Variants in SMTN observed in about 807,000 individuals in gnomAD.
SMTN encodes the protein smoothelin.
A neutral mutation model predicts 102.0 loss-of-function variants in SMTN; 58 were observed. The observed-to-expected ratio is 0.57, with a 90% CI of 0.46 to 0.71. The LOEUF is 0.71. SMTN is among the 30% of genes least tolerant of loss of function. SMTN has a pLI of 0.00. For synonymous variants in SMTN, 478 were observed against 497.9 expected (o/e 0.96, Z 0.53); for missense variants, 1,185 against 1,241.7 (o/e 0.95, Z 0.69).
At chr22:31,085,721 AGGAGACACTGT>A (rs1299738074) in intron 2 of SMTN, among the ~76,000 whole-genome samples, 1 of 152,180 alleles carries the variant, frequency 6.6e-6, no homozygotes, top group Non-Finnish European at 1.5e-5. Flanking sequence ...GGACACACAG[AGGAGACACTGT>A]GGTCCAACCT....
chr22:31,096,606 A>T, intron 13 of SMTN, 127 bp from the exon 14 acceptor site: 1 of 979,544 alleles, frequency 1.0e-6, no homozygotes, highest in Non-Finnish European at 1.4e-6. Context: ...GGCCCTTGTT[A>T]CCTGTGTCAT....
At chr22:31,093,698 G>A (rs1208329109) in intron 11 of SMTN, 1 of 998,972 alleles carries the variant, frequency 1.0e-6, no homozygotes, top group Non-Finnish European at 1.6e-6. Context: ...CTACGGCTGG[G>A]GGTCCCACTT....
intron 2 of SMTN, among the ~76,000 whole-genome samples, chr22:31,084,833 G>A (rs907471437): frequency 2.0e-5 from 3 of 152,222 alleles, no homozygotes; most frequent in Admixed American, 6.5e-5. Context: ...GACCCCGGGA[G>A]CGGCTCCTCC....
chr22:31,101,019 A>G lies in SMTN; in HGVS notation c.2738A>G (p.Lys913Arg). 1.2e-6 allele frequency: 2 copies of G among 1,612,184 alleles called. No individual in the cohort carries two copies. Among genetic ancestry groups the G allele is most frequent in the Middle Eastern group, 1.7e-4 (1 of 6,026 alleles). The part of the protein sequence containing the change: ...CLVQKGLVKT[K>R]KS ...GTCCAGAAGGGGCTGGTAAAAACCAAAAAGTCCTAACCCCTGCTCGGGGCC... is the reference window on the plus strand; with the variant it reads ...GTCCAGAAGGGGCTGGTAAAAACCAGAAAGTCCTAACCCCTGCTCGGGGCC... Residue 913 changes from lysine to arginine, a missense_variant, in exon 20 of 21, where the codon AAA becomes AGA. This residue lies in a region of SMTN where 89 missense variants were observed against 128.9 expected (regional missense o/e 0.69). Coordinates refer to ENST00000333137, the MANE Select transcript of SMTN (RefSeq NM_134269.3).
At chr22:31,102,423 T>C (rs2044161961) in intron 20 of SMTN, 1 of 152,306 alleles carries the variant, frequency 6.6e-6, no homozygotes, top group Non-Finnish European at 1.5e-5. Context: ...GCTGAAGGAA[T>C]GTGAGTCAGT....
chr22:31,073,085 G>C lies in SMTN; in HGVS notation c.-385-7365G>C, dbSNP rs572472856. Among the ~76,000 whole-genome samples the C allele has an allele frequency of 2.1e-5, 3 of 141,726 alleles. No individual in the cohort carries two copies. The South Asian group carries it at 6.6e-4, about 31-fold the overall frequency. The allele number at this position is 141,726 out of a possible 152,430, so 93.0% of individuals were successfully genotyped here. ...GCTAGAGTGCAATGGCATGATCTCG[G>C]TTCAGTGTAGCCTCAACCTCCTGAG... is the stretch of plus-strand genomic sequence containing the variant. On this transcript the variant is annotated intron_variant, in intron 1 of 3. Transcript: ENST00000422839.
Position 31,088,578 on chromosome 22 carries a change from T to C in SMTN, c.266T>C (p.Met89Thr). 6.2e-7 allele frequency: 1 copy of C among 1,613,844 alleles called. No individual in the cohort carries two copies. Among genetic ancestry groups the C allele is most frequent in the Non-Finnish European group, 8.5e-7 (1 of 1,179,920 alleles). Residue 89 changes from methionine to threonine, a missense_variant, in exon 4 of 21, where the codon ATG becomes ACG. By Grantham distance (81) the Met-to-Thr change is moderately conservative. Around this residue, in one of 2 missense-constraint regions of SMTN, gnomAD observed 1,096 missense variants for 1,112.7 expected, o/e 0.98. Coordinates refer to ENST00000333137, the MANE Select transcript of SMTN (RefSeq NM_134269.3). The stretch of plus-strand genomic sequence containing the variant: ...CGGCTGGCAGGGCAGCTGGAGTCCA[T>C]GAACGATGTGGAGGAATTGACTGCA... ...LARLAGQLES[M>T]NDVEELTALL...
rs753005089 is a variant in SMTN, at chr22:31,099,060, A to G, written c.2334-2A>G. On this transcript the variant is annotated splice_acceptor_variant, in intron 17 of 20. Transcript: ENST00000333137. LOFTEE classifies it high-confidence loss of function. ...GACCTGGTCCTGACACCGCCCCTAC[A>G]GCAGCCCTGGCGGACCCCGCGCAGC... 6.2e-7 allele frequency: 1 copy of G among 1,610,798 alleles called. No individual in the cohort carries two copies. Among genetic ancestry groups the G allele is most frequent in the South Asian group, 1.1e-5 (1 of 91,078 alleles).
chr22:31,089,878 A>G lies in SMTN; in HGVS notation c.651A>G (p.Pro217=), dbSNP rs750939817. The change falls in exon 7 of 21, where the codon CCA becomes CCG. Residue 217 remains proline (P), a synonymous_variant. Transcript: ENST00000333137. The part of the protein sequence containing the change: ...SSPTPASPEP[P]LEPAEAQCLT... ...CCACCCCTGCCTCTCCTGAGCCTCC[A>G]TTGGAGCCTGCCGAGGCCCAGTGCC... The G allele has an allele frequency of 3.7e-6, 6 of 1,613,682 alleles. No homozygotes were observed. Among genetic ancestry groups the G allele is most frequent in the Admixed American group, 3.3e-5 (2 of 59,970 alleles).
intron 2 of SMTN, among the ~76,000 whole-genome samples, chr22:31,087,621 A>G (rs546852753): frequency 5.3e-5 from 8 of 152,068 alleles, no homozygotes; most frequent in Non-Finnish European, 1.0e-4. Context: ...TCCTCCTCCT[A>G]CAATAGCTCC....
In SMTN at chr22:31,104,582, A is replaced by T. The variant is rs923928542; in HGVS notation, c.*287A>T. On this transcript the variant is annotated 3_prime_UTR_variant, in exon 21 of 21. Coordinates refer to ENST00000333137, the MANE Select transcript of SMTN (RefSeq NM_134269.3). ...TGTCTGTTGCGACACCCTCCCCCCC[A>T]CATACACACGCAGCGTTTTGATAAA... 2.3e-5 allele frequency: 22 copies of T among 976,012 alleles called. No homozygotes were observed. Among genetic ancestry groups the T allele is most frequent in the Middle Eastern group, 5.1e-4 (2 of 3,940 alleles). 60.5% of individuals were successfully genotyped at this position (976,012 alleles called of 1,614,324 possible).
At chr22:31,065,358 TG>T (rs1248732984) in intron 1 of SMTN, 9 of 152,134 alleles carry the variant, frequency 5.9e-5, no homozygotes, top group Admixed American at 1.3e-4. Context: ...TATGTTTGTT[TG>T]TTTTTTTGAA....
chr22:31,085,282 G>T (rs938845927), intron 2 of SMTN: 13 of 1,504,826 alleles, frequency 8.6e-6, no homozygotes, highest in Non-Finnish European at 1.1e-5. Flanking sequence ...GGCGCCTAGC[G>T]CGAGGCAGGG....
intron 17 of SMTN, 78 bp downstream of exon 17, chr22:31,098,918 G>A: frequency 6.4e-7 from 1 of 1,550,396 alleles, no homozygotes; most frequent in Non-Finnish European, 8.7e-7. Flanking sequence ...TAGTTGGCCC[G>A]GCAGAGGCGG....
chr22:31,104,011 A>G, intron 20 of SMTN: 1 of 398,882 alleles, frequency 2.5e-6, no homozygotes, highest in South Asian at 4.4e-5. Flanking sequence ...GAACATGGGC[A>G]GGGTTTGGAG....
At position 31,099,791 on chromosome 22, in the gene SMTN, CCTT is replaced by C; in HGVS notation, c.2501_2503del (p.Phe834del). ...TCCTCCAGCTGGAGTGATGGGATGG[CCTT>C]CTGTGCCCTGGTGCACAACTTCTTC... On this transcript the variant is annotated inframe_deletion, in exon 19 of 21. Transcript: ENST00000333137. 6.2e-7 allele frequency: 1 copy of C among 1,614,066 alleles called. No individual in the cohort carries two copies.
In SMTN at chr22:31,089,875, T is replaced by C. The variant is rs781610996; in HGVS notation, c.648T>C (p.Pro216=). ...SSSPTPASPE[P]PLEPAEAQCL... is the part of the protein sequence containing the mutation. ...CACCCACCCCTGCCTCTCCTGAGCC[T>C]CCATTGGAGCCTGCCGAGGCCCAGT... Residue 216 remains proline (P), a synonymous_variant, in exon 7 of 21, where the codon CCT becomes CCC. Transcript: ENST00000333137. 5.6e-6 allele frequency: 9 copies of C among 1,613,600 alleles called. No individual in the cohort carries two copies. The South Asian group carries it at 8.8e-5, about 16-fold the overall frequency.
chr22:31,084,279 G>A (rs1332584456), intron 2 of SMTN, among the ~76,000 whole-genome samples: 2 of 152,178 alleles, frequency 1.3e-5, no homozygotes, highest in Non-Finnish European at 2.9e-5. Context: ...GTCCATGGGG[G>A]TAAATTAAAG....
intron 8 of SMTN, 112 bp from the exon 9 acceptor site, chr22:31,090,696 A>G (rs2043060710): frequency 4.7e-6 from 4 of 859,594 alleles, no homozygotes; most frequent in South Asian, 2.9e-5. Flanking sequence ...AGTACAGGAA[A>G]GGGTGGGAAG....
Sources: allele counts gnomAD v4.1 joint callset (sites outside exome capture counted in the v4.1 genomes callset), GRCh38; gene constraint gnomAD v4.1.1; regional missense constraint gnomAD v4.1.1; transcripts MANE v1.5; gene names NCBI Gene and HGNC (gene_info 2026-07-23, HGNC 2026-07-21).